Variants in MRPS9 observed in about 807,000 individuals in gnomAD.
MRPS9 encodes the protein mitochondrial ribosomal protein S9.
Under a neutral mutation model 59.9 loss-of-function variants are expected in MRPS9, and 45 were observed. That is an observed-to-expected ratio of 0.75 (90% CI 0.59 to 0.96). The LOEUF is 0.96. Ranked by LOEUF, MRPS9 falls within the 40% of genes least tolerant of loss-of-function variation. MRPS9 has a pLI of 0.00. For missense variants in MRPS9, 473 were observed against 481.1 expected, an observed-to-expected ratio of 0.98 and a Z score of 0.16; for synonymous variants, 171 against 166.8, an observed-to-expected ratio of 1.03 and a Z score of -0.19.
At chr2:105,051,775 A>G (rs981794677) in intron 2 of MRPS9, among the ~76,000 whole-genome samples, 3 of 146,638 alleles carry the variant, frequency 2.0e-5, no homozygotes, top group African/African-American at 7.5e-5. Flanking sequence ...ATTTATTTCT[A>G]AGTATTAATG....
Position 105,089,994 on chromosome 2 carries a change from A to C in MRPS9, c.650A>C (p.Asp217Ala), listed in dbSNP as rs1558762769. The change falls in exon 7 of 11, where the codon GAT becomes GCT. Residue 217 changes from aspartate to alanine, a missense_variant and splice_region_variant. Transcript: ENST00000258455. ...EMLVEKLSDL[D>A]YMQFIRLLEK... ...TTAGTGGAAAAACTGTCAGATCTAGATGTGAGTAATTAATCTTTTTAATTT... is the reference window on the plus strand; with the variant it reads ...TTAGTGGAAAAACTGTCAGATCTAGCTGTGAGTAATTAATCTTTTTAATTT... The C allele has an allele frequency of 1.9e-6, 3 of 1,576,510 alleles. No homozygotes were observed. The highest frequency in any genetic ancestry group is 1.7e-4 in the Middle Eastern group (1 of 5,952).
At chr2:105,079,508 T>G (rs1333546737) in intron 4 of MRPS9, among the ~76,000 whole-genome samples, 1 of 152,222 alleles carries the variant, frequency 6.6e-6, no homozygotes, top group Non-Finnish European at 1.5e-5. Flanking sequence ...TGATGACCAC[T>G]GGGTTGAAAC....
chr2:105,096,580 A>G (rs1680664423), intron 9 of MRPS9, among the ~76,000 whole-genome samples: 1 of 152,210 alleles, frequency 6.6e-6, no homozygotes, highest in African/African-American at 2.4e-5. Flanking sequence ...GGAAGGTAGC[A>G]GGACCCTATG....
At position 105,049,282 on chromosome 2, in the gene MRPS9, A is replaced by T. The variant is rs757655077; in HGVS notation, c.247A>T (p.Ile83Leu). ...FIKKQIEEFN[I>L]GKRHLANMMG... ...TAAAAAGCAGATTGAAGAGTTCAAC[A>T]TAGGAAAGAGACATTTAGCCAACAT... is the stretch of plus-strand genomic sequence containing the variant. Residue 83 changes from isoleucine to leucine, a missense_variant, in exon 2 of 11, where the codon ATA (isoleucine) becomes TTA (leucine). Transcript: ENST00000258455. The T allele has an allele frequency of 2.5e-6, 4 of 1,613,074 alleles. No individual in the cohort carries two copies. Among genetic ancestry groups the T allele is most frequent in the Admixed American group, 1.7e-5 (1 of 59,750 alleles).
intron 1 of MRPS9, 144 bp from the exon 2 acceptor site, chr2:105,049,027 A>C (rs1174437410): frequency 1.7e-6 from 1 of 588,490 alleles, no homozygotes; most frequent in African/African-American, 1.9e-5. Context: ...CAGGTCCTTT[A>C]AACTTGCTTT....
chr2:105,050,298 C>G (rs946435705), intron 2 of MRPS9, among the ~76,000 whole-genome samples: 1 of 152,144 alleles, frequency 6.6e-6, no homozygotes, highest in African/African-American at 2.4e-5. Context: ...CACCACCATA[C>G]CCAGATAATT....
intron 2 of MRPS9, among the ~76,000 whole-genome samples, chr2:105,070,396 C>T (rs1290794515): frequency 6.6e-6 from 1 of 152,142 alleles, no homozygotes; most frequent in Non-Finnish European, 1.5e-5. Context: ...AATTATAGAC[C>T]TCTCCTTTTG....
intron 5 of MRPS9, among the ~76,000 whole-genome samples, chr2:105,081,321 G>A (rs983803629): frequency 6.6e-6 from 1 of 152,248 alleles, no homozygotes; most frequent in African/African-American, 2.4e-5. Flanking sequence ...TTGTTACACG[G>A]ATGGGTTGCA....
At chr2:105,040,125 A>G (rs1405747528) in intron 1 of MRPS9, among the ~76,000 whole-genome samples, 1 of 152,136 alleles carries the variant, frequency 6.6e-6, no homozygotes, top group Non-Finnish European at 1.5e-5. Flanking sequence ...TTAGATTCTT[A>G]TGATTGCATA....
intron 2 of MRPS9, among the ~76,000 whole-genome samples, chr2:105,064,465 C>G (rs1262519782): frequency 1.3e-5 from 2 of 152,128 alleles, no homozygotes; most frequent in Non-Finnish European, 2.9e-5. Context: ...TAGATGCCAC[C>G]AGGAGCACAG....
chr2:105,070,788 A>G (rs942780177), intron 2 of MRPS9, among the ~76,000 whole-genome samples: 1 of 152,220 alleles, frequency 6.6e-6, no homozygotes, highest in African/African-American at 2.4e-5. Flanking sequence ...TGGAGCTGTC[A>G]CACCCACAAT....
Position 105,093,567 on chromosome 2 carries a change from T to C in MRPS9, c.858T>C (p.Tyr286=), listed in dbSNP as rs186804621. ...CTGCAAAAGCAGAAGCAATTGTTTA[T>C]AAACATGGAAGTGGAAGAATAAAAG... ...RKTAKAEAIV[Y]KHGSGRIKVN... The change falls in exon 9 of 11, where the codon TAT becomes TAC. Residue 286 remains tyrosine, a synonymous_variant. Coordinates refer to ENST00000258455, the MANE Select transcript of MRPS9 (RefSeq NM_182640.3). 3.5e-5 allele frequency: 56 copies of C among 1,607,628 alleles called. No individual in the cohort carries two copies. The highest frequency in any genetic ancestry group is 3.4e-6 in the Non-Finnish European group (4 of 1,176,488).
At chr2:105,063,484 T>C (rs1376676692) in intron 2 of MRPS9, among the ~76,000 whole-genome samples, 2 of 152,240 alleles carry the variant, frequency 1.3e-5, no homozygotes, top group South Asian at 2.1e-4. Context: ...ATGAAAACTT[T>C]CATTCATACA....
intron 5 of MRPS9, among the ~76,000 whole-genome samples, chr2:105,081,407 T>C (rs1332041466): frequency 2.0e-5 from 3 of 152,232 alleles, no homozygotes; most frequent in South Asian, 2.1e-4. Flanking sequence ...CTTTAGACTG[T>C]ATGCTACATT....
At chr2:105,038,959 C>T (rs1679444203) in intron 1 of MRPS9, among the ~76,000 whole-genome samples, 1 of 152,130 alleles carries the variant, frequency 6.6e-6, no homozygotes, top group Non-Finnish European at 1.5e-5. Context: ...TTCGAAATGC[C>T]CTGTTACCTT....
intron 9 of MRPS9, among the ~76,000 whole-genome samples, chr2:105,094,340 C>A (rs984754525): frequency 2.0e-5 from 3 of 152,254 alleles, no homozygotes; most frequent in Admixed American, 6.5e-5. Context: ...TCTAAATATA[C>A]TCATCTCAGA....
chr2:105,083,327 C>T (rs561837361), intron 5 of MRPS9, among the ~76,000 whole-genome samples: 31 of 152,118 alleles, frequency 2.0e-4, no homozygotes, highest in African/African-American at 7.0e-4. Flanking sequence ...GAGTGGGCTG[C>T]CCTTTGGGTC....
At chr2:105,049,142 C>G (rs183704839) in intron 1 of MRPS9, 29 bp from the exon 2 acceptor site, 11 of 1,412,290 alleles carry the variant, frequency 7.8e-6, no homozygotes, top group Non-Finnish European at 1.1e-5. Context: ...AATTTATTTT[C>G]TTTTCTTTCC....
In MRPS9 at chr2:105,071,386, T is replaced by G. The variant is rs1042238242; in HGVS notation, c.378+11T>G. The G allele has an allele frequency of 5.0e-6, 8 of 1,604,038 alleles. No homozygotes were observed. In the East Asian group the frequency reaches 6.7e-5, roughly 13 times the overall value. On this transcript the variant is annotated intron_variant, in intron 3 of 10. Coordinates refer to ENST00000258455, the MANE Select transcript of MRPS9 (RefSeq NM_182640.3). The stretch of plus-strand genomic sequence containing the variant: ...AGGCCAGTAATGAAGGTAGTTATCT[T>G]AATTACTATTTTAAAAATTTCACTT...
Sources: allele counts gnomAD v4.1 joint callset (sites outside exome capture counted in the v4.1 genomes callset), GRCh38; gene constraint gnomAD v4.1.1; transcripts MANE v1.5; gene names NCBI Gene and HGNC (gene_info 2026-07-23, HGNC 2026-07-21).